The following CC2D2A variants were observed in gnomAD, a reference collection of about 807,000 sequenced individuals.
CC2D2A encodes coiled-coil and C2 domain-containing protein 2A.
A neutral mutation model predicts 212.9 loss-of-function variants in CC2D2A; 155 were observed. The ratio of observed to expected loss-of-function variants is 0.73; its 90% CI spans 0.64 to 0.83. CC2D2A has a LOEUF of 0.83. CC2D2A is among the 40% of genes least tolerant of loss of function. CC2D2A has a pLI of 0.00. For missense variants in CC2D2A, 1,856 were observed against 1,956.2 expected, an observed-to-expected ratio of 0.95 and a Z score of 0.97; for synonymous variants, 667 against 686.5, an observed-to-expected ratio of 0.97 and a Z score of 0.44.
intron 22 of CC2D2A, among the ~76,000 whole-genome samples, chr4:15,559,884 T>C (rs1692637678): frequency 6.6e-6 from 1 of 152,110 alleles, no homozygotes; most frequent in Non-Finnish European, 1.5e-5. Flanking sequence ...TGAAGTGCAG[T>C]AGTGTAGTGT....
chr4:15,502,385 T>TC, intron 4 of CC2D2A, 44 bp from the exon 5 acceptor site: 2 of 1,491,344 alleles, frequency 1.3e-6, no homozygotes, highest in East Asian at 2.3e-5. Context: ...TCTTTTCTTT[T>TC]TCTTTTTTTT....
At chr4:15,600,039 GT>G (rs1189981958) in intron 36 of CC2D2A, among the ~76,000 whole-genome samples, 1 of 152,070 alleles carries the variant, frequency 6.6e-6, no homozygotes, top group African/African-American at 2.4e-5. Context: ...TAAGGATATG[GT>G]TTTATACTGA....
chr4:15,523,162 C>T (rs778989903), intron 11 of CC2D2A, among the ~76,000 whole-genome samples: 3 of 151,580 alleles, frequency 2.0e-5, no homozygotes, highest in Non-Finnish European at 4.4e-5. Flanking sequence ...ATCCCTCTTC[C>T]TTCTCTCTCT....
intron 30 of CC2D2A, among the ~76,000 whole-genome samples, chr4:15,580,798 C>T (rs886359285): frequency 4.6e-5 from 7 of 152,158 alleles, no homozygotes; most frequent in Non-Finnish European, 8.8e-5. Flanking sequence ...TGAACTGATG[C>T]CTCTGACTTC....
intron 36 of CC2D2A, 35 bp downstream of exon 36, chr4:15,599,741 T>C (rs777387548): frequency 2.7e-6 from 4 of 1,493,494 alleles, no homozygotes; most frequent in Non-Finnish European, 2.7e-6. Context: ...TGACTGTGGA[T>C]TTCCTTGTTT....
In CC2D2A at chr4:15,480,781, G is replaced by A. The variant is rs1714586913; in HGVS notation, c.201G>A (p.Glu67=). ...LGNPQEPVQE[E]PKTRLLSMTV... ...ACCCCCAGGAGCCTGTGCAGGAGGA[G>A]CCCAAGACCCGCCTCCTGAGTATGA... The change falls in exon 4 of 37, where the codon GAG becomes GAA. Residue 67 remains glutamate, a synonymous_variant. Coordinates refer to ENST00000424120, the MANE Select transcript of CC2D2A (RefSeq NM_001378615.1). 2.5e-6 allele frequency: 4 copies of A among 1,613,328 alleles called. No homozygotes were observed. Among genetic ancestry groups the A allele is most frequent in the Non-Finnish European group, 3.4e-6 (4 of 1,179,680 alleles).
chr4:15,511,382 G>A lies in CC2D2A; in HGVS notation c.676G>A (p.Glu226Lys), dbSNP rs1716561509. Reference protein sequence around the residue: ...AGTNQEEEEGEEEEPPAQGGG... With the variant: ...AGTNQEEEEGKEEEPPAQGGG... ...AACTAATCAAGAGGAGGAGGAAGGGGAAGAAGAAGAACCACCTGCACAAGG... is the reference window on the plus strand; with the variant it reads ...AACTAATCAAGAGGAGGAGGAAGGGAAAGAAGAAGAACCACCTGCACAAGG... The change falls in exon 8 of 37, where the codon GAA (glutamate) becomes AAA (lysine). Residue 226 changes from glutamate (E) to lysine (K), a missense_variant. Physicochemically the swap from Glu to Lys is moderately conservative, Grantham distance 56. This residue lies in a region of CC2D2A where 1,512 missense variants were observed against 1,579.3 expected (regional missense o/e 0.96). Transcript: ENST00000424120. The A allele has an allele frequency of 3.7e-6, 5 of 1,337,052 alleles. No individual in the cohort carries two copies. The highest frequency in any genetic ancestry group is 3.0e-5 in the South Asian group (2 of 66,304). The allele number at this position is 1,337,052 out of a possible 1,614,324, so 82.8% of individuals were successfully genotyped here.
Position 15,538,072 on chromosome 4 carries a change from G to A in CC2D2A, c.1938G>A (p.Trp646Ter), listed in dbSNP as rs1165964489. 1 of 1,607,296 alleles carries A rather than the reference G, an allele frequency of 6.2e-7. No homozygotes were observed. The highest frequency in any genetic ancestry group is 1.1e-5 in the South Asian group (1 of 89,346). The change falls in exon 16 of 37, where the codon TGG becomes TGA. Residue 646 changes from tryptophan (W) to a stop codon, truncating the protein, a stop_gained. Transcript: ENST00000424120. LOFTEE classifies it high-confidence loss of function. The part of the protein sequence containing the change: ...ERAAQSRRRP[W>*]EPTLVPELSL... ...CAGCCCAGAGCAGGAGGAGGCCTTGGGAGCCCACGCTGGTCCCGGAGCTAA... is the reference window on the plus strand; with the variant it reads ...CAGCCCAGAGCAGGAGGAGGCCTTGAGAGCCCACGCTGGTCCCGGAGCTAA...
chr4:15,502,381 C>G, intron 4 of CC2D2A, 48 bp from the exon 5 acceptor site: 3 of 1,427,026 alleles, frequency 2.1e-6, no homozygotes, highest in South Asian at 2.8e-5. Flanking sequence ...TTTTTCTTTT[C>G]TTTTTCTTTT....
At position 15,476,188 on chromosome 4, in the gene CC2D2A, C is replaced by G. The variant is rs13118306; in HGVS notation, c.39+217C>G. Among the ~76,000 whole-genome samples, 45,290 of 152,138 alleles carry G rather than the reference C, an allele frequency of 0.3. 7,532 individuals carry two copies. Among genetic ancestry groups the G allele is most frequent in the Non-Finnish European group, 0.38 (26,071 of 67,974 alleles). On this transcript the variant is annotated intron_variant, in intron 2 of 36. Coordinates refer to ENST00000424120, the MANE Select transcript of CC2D2A (RefSeq NM_001378615.1). ...CTGAAGAGATTCAGAGAGCTCTGCT[C>G]TGCTCTGTGGGCAGACAGCATCTAT...
chr4:15,562,807 G>A (rs1002634791), intron 23 of CC2D2A, among the ~76,000 whole-genome samples: 1 of 152,252 alleles, frequency 6.6e-6, no homozygotes, highest in Non-Finnish European at 1.5e-5. Flanking sequence ...ACTCCAGAGT[G>A]AAAGAGATAA....
intron 17 of CC2D2A, among the ~76,000 whole-genome samples, chr4:15,547,837 C>G (rs918055702): frequency 6.6e-6 from 1 of 151,914 alleles, no homozygotes; most frequent in Non-Finnish European, 1.5e-5. Flanking sequence ...GTTGGCAGTT[C>G]GAGACCAGTC....
At chr4:15,541,901 T>C (rs1045584978) in intron 17 of CC2D2A, among the ~76,000 whole-genome samples, 3 of 152,144 alleles carry the variant, frequency 2.0e-5, no homozygotes, top group African/African-American at 7.2e-5. Flanking sequence ...TCTGGAGGCC[T>C]AAAGTCTGAA....
chr4:15,481,697 C>A, intron 4 of CC2D2A: 1 of 785,612 alleles, frequency 1.3e-6, no homozygotes. Context: ...CCAAAATAAA[C>A]CTCTTTTCTT....
At position 15,480,724 on chromosome 4, in the gene CC2D2A, G is replaced by A. The variant is rs1290786274; in HGVS notation, c.144G>A (p.Lys48=). The change falls in exon 4 of 37, where the codon AAG becomes AAA. Residue 48 remains lysine, a synonymous_variant. Coordinates refer to ENST00000424120, the MANE Select transcript of CC2D2A (RefSeq NM_001378615.1). ...TCCAGCCACCAACTGCTGTCCCCAA[G>A]GAAATGGTGTCCGAAAAATCCCACC... ...RKKQPPTAVP[K]EMVSEKSHLG... 6.2e-7 allele frequency: 1 copy of A among 1,611,466 alleles called. No homozygotes were observed.
At chr4:15,521,807 C>T (rs1717219130) in intron 11 of CC2D2A, among the ~76,000 whole-genome samples, 2 of 152,228 alleles carry the variant, frequency 1.3e-5, no homozygotes, top group African/African-American at 2.4e-5. Context: ...CTATCTCTGA[C>T]TCAGCTGTCT....
intron 17 of CC2D2A, among the ~76,000 whole-genome samples, chr4:15,542,197 G>A (rs758408326): frequency 6.6e-5 from 10 of 152,038 alleles, no homozygotes; most frequent in African/African-American, 9.7e-5. Flanking sequence ...AAATTAGGTC[G>A]CATTCTGAGT....
At chr4:15,539,822 T>C (rs1718328273) in intron 16 of CC2D2A, among the ~76,000 whole-genome samples, 2 of 152,230 alleles carry the variant, frequency 1.3e-5, no homozygotes, top group African/African-American at 4.8e-5. Context: ...CTTGGATACT[T>C]CTTGCAAATT....
intron 21 of CC2D2A, among the ~76,000 whole-genome samples, chr4:15,558,106 G>T (rs111511438): frequency 3.3e-5 from 5 of 152,288 alleles, no homozygotes; most frequent in African/African-American, 1.2e-4. Context: ...GCAGGTAACA[G>T]GCCTGTGTAG....
Sources: allele counts gnomAD v4.1 joint callset (sites outside exome capture counted in the v4.1 genomes callset), GRCh38; gene constraint gnomAD v4.1.1; regional missense constraint gnomAD v4.1.1; transcripts MANE v1.5; gene names NCBI Gene and HGNC (gene_info 2026-07-23, HGNC 2026-07-21).